The following XPA variants were observed in gnomAD, a reference collection of about 807,000 sequenced individuals.
XPA encodes the protein XPA, DNA damage recognition and repair factor.
A neutral mutation model predicts 35.7 loss-of-function variants in XPA; 27 were observed. The observed-to-expected ratio is 0.76, with a 90% confidence interval of 0.56 to 1.04. The LOEUF is 1.04. Among genes scored for constraint, XPA ranks in the 50% least tolerant of loss-of-function variants. The probability of loss-of-function intolerance (pLI) is 0.00; values close to 1 mark genes in which losing one functional copy is unlikely to be tolerated. For missense variants in XPA, 354 were observed against 342.7 expected (o/e 1.03, Z -0.26); for synonymous variants, 133 against 118.4 (o/e 1.12, Z -0.80).
chr9:97,689,417 A>C (rs1220417853), intron 3 of XPA, 117 bp downstream of exon 3: 1 of 726,656 alleles, frequency 1.4e-6, no homozygotes, highest in Non-Finnish European at 2.4e-6. Context: ...TTTAGGAAAC[A>C]CCCAAAATGA....
At chr9:97,657,668 G>A in the XPA span, among the ~76,000 whole-genome samples, 1 of 152,090 alleles carries the variant, frequency 6.6e-6, no homozygotes, top group Non-Finnish European at 1.5e-5. Flanking sequence ...CACTAAGATG[G>A]TTGCCAAGTG....
chr9:97,656,124 A>G, the XPA span: 1 of 1,509,310 alleles, frequency 6.6e-7, no homozygotes. Flanking sequence ...CTTCTTTGGG[A>G]GGATTTCTTT....
chr9:97,689,066 T>C (rs1564046761), intron 3 of XPA, among the ~76,000 whole-genome samples: 1 of 152,204 alleles, frequency 6.6e-6, no homozygotes, highest in East Asian at 1.9e-4. Flanking sequence ...AATATAGTTC[T>C]TCCTCATCTA....
At chr9:97,659,095 A>G in the XPA span, among the ~76,000 whole-genome samples, 1 of 152,262 alleles carries the variant, frequency 6.6e-6, no homozygotes, top group African/African-American at 2.4e-5. Flanking sequence ...TTGAGAACAT[A>G]GATGCACATA....
the XPA span, among the ~76,000 whole-genome samples, chr9:97,665,048 A>AGG: frequency 2.0e-5 from 3 of 152,250 alleles, no homozygotes; most frequent in African/African-American, 7.2e-5. Context: ...TGATAGGACC[A>AGG]GGGCAGCAGG....
At chr9:97,681,554 CT>C (rs1252954701) in intron 5 of XPA, among the ~76,000 whole-genome samples, 5 of 151,946 alleles carry the variant, frequency 3.3e-5, no homozygotes, top group Non-Finnish European at 5.9e-5. Flanking sequence ...ATTTATTTTC[CT>C]TTTTTTAGAA....
Position 97,675,709 on chromosome 9 carries a change from A to G in XPA, c.674-122T>C. On this transcript the variant is annotated intron_variant, in intron 5 of 5. Transcript: ENST00000375128. ...GTGTCTATGTGTATTTAAACCATATATAGTTTACCTTAATTTTATAACAAA... is the reference window on the plus strand; with the variant it reads ...GTGTCTATGTGTATTTAAACCATATGTAGTTTACCTTAATTTTATAACAAA... 4.2e-6 allele frequency: 5 copies of G among 1,193,564 alleles called. No homozygotes were observed. In the Admixed American group the frequency reaches 6.0e-5, roughly 14 times the overall value. The allele number at this position is 1,193,564 out of a possible 1,614,324, so 73.9% of individuals were successfully genotyped here. A position where few individuals can be genotyped will look rare whatever the true frequency, so the allele number is the denominator to read the frequency against.
chr9:97,693,872 G>GTCCA, intron 1 of XPA, 113 bp from the exon 2 acceptor site: 1 of 969,580 alleles, frequency 1.0e-6, no homozygotes, highest in Non-Finnish European at 1.6e-6. Flanking sequence ...ACACAAGGAT[G>GTCCA]TCCACAATCA....
chr9:97,663,234 T>G, the XPA span, among the ~76,000 whole-genome samples: 1 of 152,210 alleles, frequency 6.6e-6, no homozygotes, highest in Admixed American at 6.5e-5. Flanking sequence ...GAGTAAGCAT[T>G]ATTATGATTT....
chr9:97,657,908 A>G, the XPA span, among the ~76,000 whole-genome samples: 3 of 94,758 alleles, frequency 3.2e-5, no homozygotes, highest in Non-Finnish European at 5.9e-5. Context: ...CTCTCTCTCT[A>G]TATATATATA....
intron 4 of XPA, among the ~76,000 whole-genome samples, chr9:97,686,385 C>T (rs901173624): frequency 6.6e-6 from 1 of 152,180 alleles, no homozygotes; most frequent in Non-Finnish European, 1.5e-5. Flanking sequence ...GGAGTTGAGA[C>T]GATCTGCTCT....
chr9:97,657,887 T>TCG, the XPA span, among the ~76,000 whole-genome samples: 11 of 68,650 alleles, frequency 1.6e-4, no homozygotes, highest in South Asian at 2.2e-3. Flanking sequence ...CCCGGTAAGC[T>TCG]CTCTCTCTCT....
the XPA span, among the ~76,000 whole-genome samples, chr9:97,659,349 C>A: frequency 3.2e-4 from 49 of 152,296 alleles, 1 homozygote; most frequent in Non-Finnish European, 5.9e-4. Flanking sequence ...CCTCCATGAT[C>A]CTTCCATTTT....
intron 5 of XPA, among the ~76,000 whole-genome samples, chr9:97,681,393 T>G (rs986033545): frequency 1.3e-5 from 2 of 151,956 alleles, no homozygotes; most frequent in Non-Finnish European, 2.9e-5. Flanking sequence ...GAGAACTGAG[T>G]CTCCCGAACT....
At chr9:97,694,054 C>T (rs953846673) in intron 1 of XPA, among the ~76,000 whole-genome samples, 19 of 152,202 alleles carry the variant, frequency 1.2e-4, no homozygotes, top group African/African-American at 4.3e-4. Context: ...GAAATAACAA[C>T]CTAGGAAGAG....
At chr9:97,655,928 A>T in the XPA span, 1 of 1,409,148 alleles carries the variant, frequency 7.1e-7, no homozygotes, top group Non-Finnish European at 9.9e-7. Flanking sequence ...GTAAGTTGTT[A>T]TAAGTTAACA....
chr9:97,669,176 G>A, the XPA span, among the ~76,000 whole-genome samples: 1 of 151,452 alleles, frequency 6.6e-6, no homozygotes, highest in Middle Eastern at 3.2e-3. Context: ...TGTTTACTTA[G>A]TATTCTCGCA....
At chr9:97,671,659 CACTCT>C (rs1221308299), downstream of XPA, 4 of 152,528 alleles carry the variant, frequency 2.6e-5, no homozygotes, top group South Asian at 2.1e-4. Context: ...TTTATCATCT[CACTCT>C]ACTCTAAAAC....
intron 5 of XPA, among the ~76,000 whole-genome samples, chr9:97,679,687 A>G (rs760104142): frequency 6.6e-6 from 1 of 152,232 alleles, no homozygotes; most frequent in Non-Finnish European, 1.5e-5. Context: ...CCTGTGTACT[A>G]AAACCACTGA....
Sources: gnomAD v4.1 joint callset for allele counts (sites outside exome capture counted in the v4.1 genomes callset) on GRCh38, gnomAD v4.1.1 for gene constraint, MANE v1.5 for transcripts, NCBI Gene and HGNC (gene_info 2026-07-23, HGNC 2026-07-21) for gene names.